Variants in CARD19 observed in about 807,000 individuals in gnomAD.
CARD19 encodes the protein caspase recruitment domain-containing protein 19.
In CARD19, 25 loss-of-function variants were observed where a neutral mutation model predicts 24.1. That is an observed-to-expected ratio of 1.04 (90% confidence interval 0.76 to 1.45). CARD19 has a LOEUF of 1.45. Ranked by LOEUF, CARD19 falls within the 40% of genes most tolerant of loss-of-function variation. The pLI, the probability that CARD19 is intolerant of heterozygous loss-of-function variation, is 0.00. For missense variants in CARD19, 241 were observed against 247.4 expected (o/e 0.97, Z 0.17); for synonymous variants, 103 against 104.9 (o/e 0.98, Z 0.11).
At chr9:93,097,646 G>A (rs1200961625) in intron 1 of CARD19, among the ~76,000 whole-genome samples, 1 of 152,068 alleles carries the variant, frequency 6.6e-6, no homozygotes, top group Admixed American at 6.5e-5. Context: ...TCTCCAGGGA[G>A]CCCTGTCCCA....
Position 93,096,379 on chromosome 9 carries a change from G to C in CARD19, c.7+27G>C, listed in dbSNP as rs1330509971. 5.7e-6 allele frequency: 7 copies of C among 1,225,286 alleles called. No homozygotes were observed. In the Admixed American group the frequency reaches 3.0e-4, roughly 52 times the overall value. 75.9% of individuals were successfully genotyped at this position (1,225,286 alleles called of 1,614,324 possible). A position where few individuals can be genotyped will look rare whatever the true frequency, so the allele number is the denominator to read the frequency against. On this transcript the variant is annotated intron_variant, in intron 1 of 5. Transcript: ENST00000375464. This position sits in a 1 kb window ranked among gnomAD's most constrained non-coding sequence, Gnocchi z 5.4. Reference sequence around the variant, plus strand: ...TGGGCACGGGGTCGGCTGGGCGGCAGGGATGCGGGCGCCCTGGATGGGTGG... The same window carrying C: ...TGGGCACGGGGTCGGCTGGGCGGCACGGATGCGGGCGCCCTGGATGGGTGG...
chr9:93,104,557 A>G (rs4743885), intron 1 of CARD19, among the ~76,000 whole-genome samples: 112,543 of 152,086 alleles, frequency 0.74, 44,407 homozygotes, highest in Non-Finnish European at 0.88. Context: ...TTCTTTAAAT[A>G]TATGGTAGAA....
chr9:93,112,626 G>C (rs1827544936), intron 5 of CARD19, among the ~76,000 whole-genome samples: 1 of 152,134 alleles, frequency 6.6e-6, no homozygotes, highest in Non-Finnish European at 1.5e-5. Flanking sequence ...CCAGGGCCTT[G>C]GGTCTCTCCA....
rs573031402 is a variant in CARD19 at position 93,099,048 on chromosome 9, G to A, written c.7+2696G>A. On this transcript the variant is annotated intron_variant, in intron 1 of 5. Transcript: ENST00000375464. ...TCCTGAGTAGCTGGCTCAGCCTTCT[G>A]AGTAGCTGGGAATACAGGCGTGTGC... 5.7e-4 allele frequency among the ~76,000 whole-genome samples: 86 copies of A among 152,170 alleles called. No homozygotes were observed. In the Middle Eastern group the frequency reaches 0.014, roughly 24 times the overall value.
chr9:93,103,570 A>G (rs1477473661), intron 1 of CARD19, among the ~76,000 whole-genome samples: 36 of 152,226 alleles, frequency 2.4e-4, no homozygotes, highest in Admixed American at 2.3e-3. Context: ...GAAACTGCAG[A>G]GATAGAGTGC....
chr9:93,111,906 C>T lies in CARD19; in HGVS notation c.332C>T (p.Ser111Leu), dbSNP rs578037615. 5.6e-6 allele frequency: 9 copies of T among 1,611,850 alleles called. No individual in the cohort carries two copies. The highest frequency in any genetic ancestry group is 4.0e-5 in the African/African-American group (3 of 74,972). Residue 111 changes from serine to leucine, a missense_variant, in exon 4 of 6, where the codon TCG becomes TTG. Ser to Leu is a moderately radical substitution (Grantham distance 145). Transcript: ENST00000375464. The part of the protein sequence containing the change: ...LQNSDCTELD[S>L]GSQSGELSNR... The stretch of plus-strand genomic sequence containing the variant: ...AACTCAGATTGCACAGAGCTAGACT[C>T]GGGCAGCCAGAGCGGCGAGCTGAGT...
At chr9:93,098,163 A>G (rs1213185347) in intron 1 of CARD19, among the ~76,000 whole-genome samples, 2 of 152,232 alleles carry the variant, frequency 1.3e-5, no homozygotes, top group East Asian at 3.9e-4. Context: ...TGGGCTGAGC[A>G]CTGAGAGAAG....
Position 93,113,266 on chromosome 9 carries a change from A to C in CARD19, c.*159A>C. On this transcript the variant is annotated 3_prime_UTR_variant, in exon 6 of 6. Transcript: ENST00000375464. ...ACCTTACAAGGTGCTGACCATATTA[A>C]ATGTTCAGGTTCTCTCAGCCTGCCT... The C allele has an allele frequency of 1.9e-6, 1 of 528,202 alleles. No individual in the cohort carries two copies. Among genetic ancestry groups the C allele is most frequent in the Admixed American group, 3.6e-5 (1 of 28,114 alleles). The allele number at this position is 528,202 out of a possible 1,614,324, so 32.7% of individuals were successfully genotyped here.
At position 93,111,910 on chromosome 9, in the gene CARD19, CA is replaced by C. The variant is rs1827501950; in HGVS notation, c.337del (p.Ser113AlafsTer6). ...CAGATTGCACAGAGCTAGACTCGGG[CA>C]GCCAGAGCGGCGAGCTGAGTAACAG... ...NSDCTELDSGSQSGELSNRGP... is the reference protein window; with the variant it reads ...NSDCTELDSGXQSGELSNRGP... On this transcript the variant is annotated frameshift_variant, in exon 4 of 6. Coordinates refer to ENST00000375464, the MANE Select transcript of CARD19 (RefSeq NM_032310.5). LOFTEE classifies it high-confidence loss of function. 6 of 1,611,726 alleles carry C rather than the reference CA, an allele frequency of 3.7e-6. No homozygotes were observed. The highest frequency in any genetic ancestry group is 2.7e-5 in the African/African-American group (2 of 74,862).
chr9:93,112,246 C>A lies in CARD19; in HGVS notation c.393C>A (p.Gly131=). The part of the protein sequence containing the change: ...RGPMSFLAGL[G]LAVGLALLLY... ...CCATGAGCTTCCTGGCTGGCCTGGGCCTTGCTGTGGGACTGGCCCTGCTCC... is the reference window on the plus strand; with the variant it reads ...CCATGAGCTTCCTGGCTGGCCTGGGACTTGCTGTGGGACTGGCCCTGCTCC... Residue 131 remains glycine, a synonymous_variant, in exon 5 of 6, where the codon GGC becomes GGA. Transcript: ENST00000375464. The A allele has an allele frequency of 6.5e-7, 1 of 1,545,166 alleles. No homozygotes were observed. Among genetic ancestry groups the A allele is most frequent in the Non-Finnish European group, 8.7e-7 (1 of 1,147,028 alleles).
chr9:93,102,834 A>G (rs868454999), intron 1 of CARD19, among the ~76,000 whole-genome samples: 16 of 152,150 alleles, frequency 1.1e-4, no homozygotes, highest in African/African-American at 3.9e-4. Flanking sequence ...TTCAGTGTAC[A>G]AGATTTTTGC....
chr9:93,098,703 C>T (rs950798549), intron 1 of CARD19, among the ~76,000 whole-genome samples: 1 of 152,188 alleles, frequency 6.6e-6, no homozygotes, highest in Non-Finnish European at 1.5e-5. Flanking sequence ...ACCCCCAAGC[C>T]GCAGAGCCTG....
chr9:93,113,093 C>T lies in CARD19; in HGVS notation c.538C>T (p.Leu180=), dbSNP rs1182102722. ...CCTGCTGGCCTTCCTGGCAGATGACCTAGGGGGGCTCTGACAGACCCTGGA... is the reference window on the plus strand; with the variant it reads ...CCTGCTGGCCTTCCTGGCAGATGACTTAGGGGGGCTCTGACAGACCCTGGA... The part of the protein sequence containing the change: ...RYLLAFLADD[L]GGL The change falls in exon 6 of 6, where the codon CTA becomes TTA. Residue 180 remains leucine, a synonymous_variant. Coordinates refer to ENST00000375464, the MANE Select transcript of CARD19 (RefSeq NM_032310.5). 3.2e-6 allele frequency: 5 copies of T among 1,576,530 alleles called. No individual in the cohort carries two copies. The highest frequency in any genetic ancestry group is 4.3e-6 in the Non-Finnish European group (5 of 1,160,116).
Position 93,110,990 on chromosome 9 carries a change from A to G in CARD19, c.304+269A>G, listed in dbSNP as rs552479362. 5.3e-5 allele frequency: 79 copies of G among 1,502,648 alleles called. No homozygotes were observed. The African/African-American group carries it at 8.7e-4, about 17-fold the overall frequency. The allele number at this position is 1,502,648 out of a possible 1,614,324, so 93.1% of individuals were successfully genotyped here. ...TCTCTCATGGCAGTTTTCACACAGC[A>G]TGGGGCATCTTATACGTCCACTCTT... On this transcript the variant is annotated intron_variant, in intron 3 of 5. Transcript: ENST00000375464.
At position 93,111,106 on chromosome 9, in the gene CARD19, C is replaced by T. The variant is rs12343422; in HGVS notation, c.304+385C>T. The T allele has an allele frequency of 2.9e-3, 3,752 of 1,274,478 alleles. 88 individuals are homozygous for T. The African/African-American group carries it at 0.051, about 17-fold the overall frequency. The allele number at this position is 1,274,478 out of a possible 1,614,324, so 78.9% of individuals were successfully genotyped here. A position where few individuals can be genotyped will look rare whatever the true frequency, so the allele number is the denominator to read the frequency against. On this transcript the variant is annotated intron_variant, in intron 3 of 5. Transcript: ENST00000375464. ...CCCACAGCTGCATGGCGCTCCTAGGCGGTCCCAGCTGGAATTACCCAACCC... is the reference window on the plus strand; with the variant it reads ...CCCACAGCTGCATGGCGCTCCTAGGTGGTCCCAGCTGGAATTACCCAACCC...
At chr9:93,109,965 TC>T (rs1827396008) in intron 2 of CARD19, 1 of 152,832 alleles carries the variant, frequency 6.5e-6, no homozygotes, top group African/African-American at 2.4e-5. Context: ...CCACACTATG[TC>T]CCAACACTTG....
intron 1 of CARD19, among the ~76,000 whole-genome samples, chr9:93,106,578 A>AAAC (rs1554753875): frequency 2.0e-4 from 15 of 75,594 alleles, no homozygotes; most frequent in African/African-American, 1.7e-3. Flanking sequence ...AAAAAAAAAC[A>AAAC]AAAAAAAAAA....
At position 93,112,338 on chromosome 9, in the gene CARD19, A is replaced by C. The variant is rs758410917; in HGVS notation, c.436+49A>C. ...GGGCTGGGCCTGCCTCCCCTCTGCC[A>C]CCAAGCCAGGGCCCCAGACCCTGCC... On this transcript the variant is annotated intron_variant, in intron 5 of 5. Transcript: ENST00000375464. 14 of 1,504,798 alleles carry C rather than the reference A, an allele frequency of 9.3e-6. No homozygotes were observed. The South Asian group carries it at 1.6e-4, about 17-fold the overall frequency. 93.2% of individuals were successfully genotyped at this position (1,504,798 alleles called of 1,614,324 possible). A position where few individuals can be genotyped will look rare whatever the true frequency, so the allele number is the denominator to read the frequency against.
intron 1 of CARD19, among the ~76,000 whole-genome samples, chr9:93,105,179 CACGCGCGTGTGTGTGTGCGT>C (rs955151088): frequency 8.8e-6 from 1 of 113,276 alleles, no homozygotes; most frequent in African/African-American, 3.6e-5. Flanking sequence ...TGTGTGTGTG[CACGCGCGTGTGTGTGTGCGT>C]GTGTGTGTGT....
Sources: allele counts gnomAD v4.1 joint callset (sites outside exome capture counted in the v4.1 genomes callset), GRCh38; gene constraint gnomAD v4.1.1; non-coding constraint Gnocchi (gnomAD v3.1); transcripts MANE v1.5; gene names NCBI Gene and HGNC (gene_info 2026-07-23, HGNC 2026-07-21).